The following SV2C variants were observed in gnomAD, a reference collection of about 807,000 sequenced individuals.
SV2C encodes the protein solute carrier family 22 member B3.
SV2C carries 49 observed loss-of-function variants against 79.7 expected under a neutral mutation model. The ratio of observed to expected loss-of-function variants is 0.61; its 90% CI spans 0.49 to 0.78. The LOEUF (loss-of-function observed/expected upper bound fraction) is 0.78. SV2C is among the 30% of genes least tolerant of loss of function. The probability of loss-of-function intolerance (pLI) is 0.00; values close to 1 mark genes in which losing one functional copy is unlikely to be tolerated. For synonymous variants in SV2C, 334 were observed against 333.2 expected (o/e 1.00, Z -0.03); for missense variants, 833 against 912.9 (o/e 0.91, Z 1.13).
At chr5:76,124,480 G>C (rs1384293147) in intron 1 of SV2C, among the ~76,000 whole-genome samples, 2 of 152,158 alleles carry the variant, frequency 1.3e-5, no homozygotes, top group African/African-American at 4.8e-5. Context: ...TCCATTGTCT[G>C]TGTATACCAC....
chr5:76,067,581 T>C, the SV2C span, among the ~76,000 whole-genome samples: 14 of 152,052 alleles, frequency 9.2e-5, no homozygotes, highest in East Asian at 5.8e-4. Context: ...TTAATTTTGG[T>C]AAAGTTCATG....
intron 1 of SV2C, among the ~76,000 whole-genome samples, chr5:76,116,985 G>A (rs1412368225): frequency 1.3e-5 from 2 of 152,138 alleles, no homozygotes; most frequent in Non-Finnish European, 2.9e-5. Context: ...TCTACAGAAG[G>A]ATATGGAGAG....
In SV2C at chr5:76,300,782, CACA is replaced by C. The variant is rs762478902; in HGVS notation, c.1695_1697del (p.Asn565del). 12 of 1,613,940 alleles carry C rather than the reference CACA, an allele frequency of 7.4e-6. No homozygotes were observed. Among genetic ancestry groups the C allele is most frequent in the South Asian group, 4.4e-5 (4 of 91,076 alleles). On this transcript the variant is annotated inframe_deletion, in exon 11 of 13. Coordinates refer to ENST00000502798, the MANE Select transcript of SV2C (RefSeq NM_014979.4). ...TGAATTTAAAAACTGCTCGTTTTTT[CACA>C]ACAAGACGGGATGTCAGATTACCTT...
At chr5:76,256,605 A>G (rs541371564) in intron 4 of SV2C, among the ~76,000 whole-genome samples, 1 of 152,194 alleles carries the variant, frequency 6.6e-6, no homozygotes, top group Non-Finnish European at 1.5e-5. Context: ...TTACTTCTGT[A>G]AATTCAGTCT....
At chr5:75,958,492 A>AT in the SV2C span, among the ~76,000 whole-genome samples, 1 of 151,956 alleles carries the variant, frequency 6.6e-6, no homozygotes, top group African/African-American at 2.4e-5. Context: ...TTGTAGCGAC[A>AT]TTGCTTCTAA....
At chr5:75,904,840 G>A in the SV2C span, among the ~76,000 whole-genome samples, 1 of 152,182 alleles carries the variant, frequency 6.6e-6, no homozygotes. Flanking sequence ...TGCTACCTAA[G>A]GACAGTATAT....
rs1034543497 is a variant in SV2C, at chr5:76,330,286, T to C, written c.*4739T>C. On this transcript the variant is annotated 3_prime_UTR_variant, in exon 13 of 13. Transcript: ENST00000502798. Reference sequence around the variant, plus strand: ...ATGCAGTTTAGTAATCCCAGGATTTTGAGTTACAAGAATACAGTTTATGGG... The same window carrying C: ...ATGCAGTTTAGTAATCCCAGGATTTCGAGTTACAAGAATACAGTTTATGGG... 17 of 152,230 alleles carry C rather than the reference T, an allele frequency of 1.1e-4. No individual in the cohort carries two copies. The highest frequency in any genetic ancestry group is 2.2e-4 in the Non-Finnish European group (15 of 68,046). The allele number at this position is 152,230 out of a possible 1,614,324, so 9.4% of individuals were successfully genotyped here.
intron 1 of SV2C, among the ~76,000 whole-genome samples, chr5:76,114,236 T>C (rs1173999744): frequency 1.3e-5 from 2 of 152,076 alleles, no homozygotes; most frequent in African/African-American, 4.8e-5. Flanking sequence ...GAGTACAGCA[T>C]CCCTCCCCAT....
the SV2C span, among the ~76,000 whole-genome samples, chr5:75,912,973 T>C: frequency 0.033 from 5,037 of 152,232 alleles, 199 homozygotes; most frequent in African/African-American, 0.1. Flanking sequence ...CAGGAGAGTG[T>C]ATTTGATTTA....
the SV2C span, among the ~76,000 whole-genome samples, chr5:75,847,869 C>A: frequency 2.0e-5 from 3 of 152,278 alleles, no homozygotes; most frequent in South Asian, 6.2e-4. Flanking sequence ...CCTGTCTCCA[C>A]CCTATAAAAT....
At chr5:76,036,004 C>A in the SV2C span, among the ~76,000 whole-genome samples, 7 of 152,254 alleles carry the variant, frequency 4.6e-5, no homozygotes, top group African/African-American at 1.7e-4. Flanking sequence ...TATGTAATGG[C>A]CTTCTTTGTC....
chr5:76,119,990 A>C (rs1332287249), intron 1 of SV2C, among the ~76,000 whole-genome samples: 1 of 152,200 alleles, frequency 6.6e-6, no homozygotes, highest in Admixed American at 6.5e-5. Context: ...ATATTTCAAA[A>C]AGCTAAAGGA....
the SV2C span, among the ~76,000 whole-genome samples, chr5:75,899,876 C>T: frequency 3.9e-5 from 6 of 152,112 alleles, no homozygotes; most frequent in Non-Finnish European, 7.3e-5. Context: ...TTATCCGAGA[C>T]TAGGATTGCA....
At chr5:75,960,031 A>G in the SV2C span, among the ~76,000 whole-genome samples, 3 of 152,010 alleles carry the variant, frequency 2.0e-5, no homozygotes, top group African/African-American at 7.2e-5. Flanking sequence ...AACTTTCTTA[A>G]GAGTGGCATC....
At chr5:76,282,684 T>C (rs1052220676) in intron 4 of SV2C, among the ~76,000 whole-genome samples, 1 of 152,160 alleles carries the variant, frequency 6.6e-6, no homozygotes, top group Non-Finnish European at 1.5e-5. Context: ...TCAAATTTAA[T>C]ATTTAACTTT....
At chr5:75,993,034 C>T in the SV2C span, among the ~76,000 whole-genome samples, 791 of 152,056 alleles carry the variant, frequency 5.2e-3, 14 homozygotes, top group African/African-American at 0.018. Context: ...AAATCATAGG[C>T]AGTGAAAGGA....
intron 4 of SV2C, among the ~76,000 whole-genome samples, chr5:76,261,951 G>C (rs1475233242): frequency 6.6e-6 from 1 of 152,184 alleles, no homozygotes; most frequent in Admixed American, 6.5e-5. Flanking sequence ...GTTGATGCTG[G>C]CCTCATAAAA....
chr5:76,005,010 C>T, the SV2C span, among the ~76,000 whole-genome samples: 5 of 152,276 alleles, frequency 3.3e-5, no homozygotes, highest in East Asian at 9.6e-4. Context: ...CAAGTTCTTC[C>T]ACTTTCCTTA....
intron 4 of SV2C, among the ~76,000 whole-genome samples, chr5:76,234,804 G>C (rs72773778): frequency 0.023 from 3,541 of 152,312 alleles, 67 homozygotes; most frequent in Non-Finnish European, 0.035. Context: ...CCAATCAAAA[G>C]TGTGGCCTGT....
Sources: gnomAD v4.1 joint callset for allele counts (sites outside exome capture counted in the v4.1 genomes callset) on GRCh38, gnomAD v4.1.1 for gene constraint, MANE v1.5 for transcripts, NCBI Gene and HGNC (gene_info 2026-07-23, HGNC 2026-07-21) for gene names.